The following ITPR1 variants were observed in gnomAD, a reference collection of about 807,000 sequenced individuals.
ITPR1 encodes inositol 1,4,5-trisphosphate-gated calcium channel ITPR1.
ITPR1 carries 96 observed loss-of-function variants against 318.4 expected under a neutral mutation model. That is an observed-to-expected ratio of 0.30 (90% confidence interval 0.26 to 0.36). The LOEUF is 0.36. Among genes scored for constraint, ITPR1 ranks in the 10% least tolerant of loss-of-function variants. ITPR1 has a pLI of 1.00. For missense variants in ITPR1, 2,440 were observed against 3,460.2 expected (o/e 0.71, Z 7.40); for synonymous variants, 1,312 against 1,289.9 (o/e 1.02, Z -0.37).
At position 4,673,373 on chromosome 3, in the gene ITPR1, G is replaced by T. The variant is rs1180417188; in HGVS notation, c.2442G>T (p.Glu814Asp). 1 of 1,607,844 alleles carries T rather than the reference G, an allele frequency of 6.2e-7. No homozygotes were observed. The highest frequency in any genetic ancestry group is 1.3e-5 in the African/African-American group (1 of 74,810). Reference protein sequence around the residue: ...YARLWSEIPSEIAIDDYDSSG... With the variant: ...YARLWSEIPSDIAIDDYDSSG... ...GCCTCTGGTCGGAGATTCCCTCGGA[G>T]ATCGCCATTGACGAGTGAGCCTGGC... Residue 814 changes from glutamate (E) to aspartate (D), a missense_variant, in exon 21 of 62, where the codon GAG (glutamate) becomes GAT (aspartate). Glu to Asp is a conservative substitution (Grantham distance 45). This residue lies in a region of ITPR1 where 478 missense variants were observed against 696.3 expected (regional missense o/e 0.69). Coordinates refer to ENST00000649015, the MANE Select transcript of ITPR1 (RefSeq NM_001378452.1).
intron 46 of ITPR1, among the ~76,000 whole-genome samples, chr3:4,773,530 C>A (rs2046314106): frequency 6.6e-6 from 1 of 152,108 alleles, no homozygotes; most frequent in Admixed American, 6.5e-5. Flanking sequence ...ACATTTGTTA[C>A]ATATTAATCT....
intron 61 of ITPR1, among the ~76,000 whole-genome samples, chr3:4,840,677 A>T (rs2051279864): frequency 6.6e-6 from 1 of 152,184 alleles, no homozygotes; most frequent in Non-Finnish European, 1.5e-5. Context: ...TATTGCCAAG[A>T]ATGGTTGGTT....
intron 6 of ITPR1, among the ~76,000 whole-genome samples, chr3:4,640,829 G>C (rs1176363216): frequency 6.6e-6 from 1 of 152,150 alleles, no homozygotes; most frequent in East Asian, 1.9e-4. Context: ...CTGGATCTTG[G>C]GGCCTACCTG....
chr3:4,521,020 A>G lies in ITPR1; in HGVS notation c.93-4A>G, dbSNP rs1417434612. ...GACAGAGCATTTATCTGTCTTCTTT[A>G]CAGCCTGGTTGATGATCGTTGTGTT... On this transcript the variant is annotated splice_region_variant and splice_polypyrimidine_tract_variant and intron_variant, in intron 3 of 61. Transcript: ENST00000649015. The G allele has an allele frequency of 6.2e-7, 1 of 1,610,872 alleles. No homozygotes were observed. The highest frequency in any genetic ancestry group is 8.5e-7 in the Non-Finnish European group (1 of 1,177,080).
At chr3:4,763,344 C>T (rs145509213) in intron 44 of ITPR1, among the ~76,000 whole-genome samples, 54 of 152,158 alleles carry the variant, frequency 3.5e-4, no homozygotes, top group African/African-American at 1.3e-3. Flanking sequence ...TGCATAGGTA[C>T]CCCAGAACTT....
intron 32 of ITPR1, among the ~76,000 whole-genome samples, chr3:4,692,918 C>T (rs1409898343): frequency 1.3e-5 from 2 of 152,060 alleles, no homozygotes; most frequent in Non-Finnish European, 1.5e-5. Context: ...GTTGAGAGTT[C>T]GAGACCAGCC....
intron 61 of ITPR1, among the ~76,000 whole-genome samples, chr3:4,841,922 G>A (rs1185683398): frequency 6.6e-6 from 1 of 152,204 alleles, no homozygotes; most frequent in East Asian, 1.9e-4. Flanking sequence ...TTCTGAACAT[G>A]ACTGATTTTA....
chr3:4,581,291 G>A (rs1437496325), intron 4 of ITPR1, among the ~76,000 whole-genome samples: 3 of 152,152 alleles, frequency 2.0e-5, no homozygotes, highest in African/African-American at 4.8e-5. Flanking sequence ...TTCAGAAGGC[G>A]GTCTGCATGA....
At chr3:4,622,422 C>T (rs550967048) in intron 4 of ITPR1, among the ~76,000 whole-genome samples, 4 of 149,408 alleles carry the variant, frequency 2.7e-5, no homozygotes, top group Non-Finnish European at 5.9e-5. Flanking sequence ...CTTTGACTTT[C>T]TTTCTTTCTT....
At chr3:4,756,908 G>A (rs985732911) in intron 44 of ITPR1, among the ~76,000 whole-genome samples, 1 of 152,224 alleles carries the variant, frequency 6.6e-6, no homozygotes, top group Non-Finnish European at 1.5e-5. Context: ...GACAACTGTA[G>A]CACCTTCCAT....
At chr3:4,801,840 G>A (rs763289611) in intron 54 of ITPR1, among the ~76,000 whole-genome samples, 7 of 152,166 alleles carry the variant, frequency 4.6e-5, no homozygotes, top group Non-Finnish European at 8.8e-5. Context: ...ATGAAGCGGG[G>A]ATTGAGAAGA....
At chr3:4,681,544 G>T in intron 26 of ITPR1, 126 bp downstream of exon 26, 1 of 683,268 alleles carries the variant, frequency 1.5e-6, no homozygotes, top group East Asian at 2.9e-5. Flanking sequence ...GCTATCTTTG[G>T]AACTGTTAGT....
chr3:4,716,301 G>A (rs2041760855), intron 39 of ITPR1, among the ~76,000 whole-genome samples: 1 of 152,228 alleles, frequency 6.6e-6, no homozygotes, highest in East Asian at 1.9e-4. Flanking sequence ...CCTAGACCCT[G>A]CTTGAGAAGG....
In ITPR1 at chr3:4,775,414, A is replaced by G. The variant is rs747685662; in HGVS notation, c.6152A>G (p.Tyr2051Cys). 6.2e-7 allele frequency: 1 copy of G among 1,613,512 alleles called. No individual in the cohort carries two copies. The highest frequency in any genetic ancestry group is 8.5e-7 in the Non-Finnish European group (1 of 1,179,622). The change falls in exon 47 of 62, where the codon TAC (tyrosine) becomes TGC (cysteine). Residue 2051 changes from tyrosine (Y) to cysteine (C), a missense_variant. Coordinates refer to ENST00000649015, the MANE Select transcript of ITPR1 (RefSeq NM_001378452.1). ...INQTLESLTE[Y>C]CQGPCHENQN... ...CAAACCCTGGAAAGTCTGACCGAAT[A>G]CTGTCAAGGACCTTGCCATGAGAAC...
rs200138951 is a variant in ITPR1, at chr3:4,581,960, TA to T, written c.164-45798del. Among the ~76,000 whole-genome samples, 1,401 of 151,746 alleles carry T rather than the reference TA, an allele frequency of 9.2e-3. 19 individuals carry two copies. Among genetic ancestry groups the T allele is most frequent in the African/African-American group, 0.032 (1,322 of 41,300 alleles). On this transcript the variant is annotated intron_variant, in intron 4 of 61. Transcript: ENST00000649015. ...ATTTTTTTTTAGGATTTTTTTTTTT[TA>T]AAAAGGAAAATGGAAATAAACAGAT...
At chr3:4,648,533 G>C (rs1396615835) in intron 10 of ITPR1, among the ~76,000 whole-genome samples, 1 of 152,108 alleles carries the variant, frequency 6.6e-6, no homozygotes, top group Non-Finnish European at 1.5e-5. Context: ...GTTTTGGCCA[G>C]GTGCGATGGC....
intron 49 of ITPR1, among the ~76,000 whole-genome samples, chr3:4,781,085 C>T (rs1575221040): frequency 6.6e-6 from 1 of 152,196 alleles, no homozygotes; most frequent in Non-Finnish European, 1.5e-5. Context: ...TCGCATGTAA[C>T]ATGTTGTCTG....
At chr3:4,627,283 G>A (rs1486616032) in intron 4 of ITPR1, among the ~76,000 whole-genome samples, 1 of 152,102 alleles carries the variant, frequency 6.6e-6, no homozygotes, top group African/African-American at 2.4e-5. Context: ...TTAACAACGT[G>A]GCAAAACCCA....
intron 2 of ITPR1, among the ~76,000 whole-genome samples, chr3:4,508,591 G>T (rs2081567723): frequency 1.3e-5 from 2 of 149,802 alleles, no homozygotes; most frequent in African/African-American, 2.5e-5. Context: ...CACACTAAAA[G>T]CTTTTAGAAA....
Sources: gnomAD v4.1 joint callset for allele counts (sites outside exome capture counted in the v4.1 genomes callset) on GRCh38, gnomAD v4.1.1 for gene constraint, gnomAD v4.1.1 regional missense constraint, MANE v1.5 for transcripts, NCBI Gene and HGNC (gene_info 2026-07-23, HGNC 2026-07-21) for gene names.